BNIP1: variants seen among roughly 807,000 people sequenced by gnomAD.
BNIP1 encodes the protein BCL2 interacting protein 1.
Under a neutral mutation model 28.5 loss-of-function variants are expected in BNIP1, and 25 were observed. The observed-to-expected ratio is 0.88, with a 90% CI of 0.64 to 1.23. BNIP1 has a LOEUF of 1.23. BNIP1 is among the 50% of genes most tolerant of loss of function. The probability of loss-of-function intolerance (pLI) is 0.00; values close to 1 mark genes in which losing one functional copy is unlikely to be tolerated. For synonymous variants in BNIP1, 118 were observed against 101.7 expected (o/e 1.16, Z -0.96); for missense variants, 276 against 277.0 (o/e 1.00, Z 0.02).
In BNIP1 at chr5:173,164,069, C is replaced by T; in HGVS notation, c.*148C>T. On this transcript the variant is annotated 3_prime_UTR_variant, in exon 6 of 6. Transcript: ENST00000351486. This position sits in a 1 kb window ranked among gnomAD's most constrained non-coding sequence, Gnocchi z 4.0. Reference sequence around the variant, plus strand: ...GGATGGAACACAGTGCCCCACTTTTCTGCAAGTAGCTGGCTTGTAAAGGGT... The same window carrying T: ...GGATGGAACACAGTGCCCCACTTTTTTGCAAGTAGCTGGCTTGTAAAGGGT... The T allele has an allele frequency of 1.4e-6, 1 of 732,182 alleles. No homozygotes were observed. Among genetic ancestry groups the T allele is most frequent in the Non-Finnish European group, 2.1e-6 (1 of 478,706 alleles). The allele number at this position is 732,182 out of a possible 1,614,324, so 45.4% of individuals were successfully genotyped here.
chr5:173,148,621 G>A (rs1298966785), intron 2 of BNIP1, among the ~76,000 whole-genome samples: 1 of 152,074 alleles, frequency 6.6e-6, no homozygotes, highest in Non-Finnish European at 1.5e-5. Flanking sequence ...AACAGGGTTG[G>A]CTCCTTGGCC....
chr5:173,144,663 A>C, intron 1 of BNIP1, 34 bp downstream of exon 1: 5 of 1,609,012 alleles, frequency 3.1e-6, no homozygotes, highest in Non-Finnish European at 4.3e-6. Flanking sequence ...GGGCTCCAGC[A>C]GCCCTAACCC....
chr5:173,154,517 A>G lies in BNIP1; in HGVS notation c.269+104A>G, dbSNP rs1581075307. On this transcript the variant is annotated intron_variant, in intron 3 of 5. Coordinates refer to ENST00000351486, the MANE Select transcript of BNIP1 (RefSeq NM_001205.3). ...ATGGATCTGCTTTAATGCTGACTTA[A>G]TGGTGTCTTTTTTTTTTTTTTGAGA... 3.4e-6 allele frequency: 3 copies of G among 876,718 alleles called. 1 individual carries two copies. Among genetic ancestry groups the G allele is most frequent in the East Asian group, 5.5e-5 (2 of 36,100 alleles). The allele number at this position is 876,718 out of a possible 1,614,324, so 54.3% of individuals were successfully genotyped here.
chr5:173,150,801 C>T (rs557830368), intron 2 of BNIP1, among the ~76,000 whole-genome samples: 1 of 151,920 alleles, frequency 6.6e-6, no homozygotes, highest in Non-Finnish European at 1.5e-5. Flanking sequence ...TAAAAAGTAG[C>T]ATACTAACAC....
At chr5:173,149,737 A>G (rs1029905516) in intron 2 of BNIP1, among the ~76,000 whole-genome samples, 1 of 152,224 alleles carries the variant, frequency 6.6e-6, no homozygotes, top group Admixed American at 6.5e-5. Flanking sequence ...GCTTCCAGTC[A>G]TGGCAGAAGG....
chr5:173,154,352 A>G lies in BNIP1; in HGVS notation c.208A>G (p.Lys70Glu), dbSNP rs2113849337. The G allele has an allele frequency of 6.2e-7, 1 of 1,614,080 alleles. No individual in the cohort carries two copies. The change falls in exon 3 of 6, where the codon AAA (lysine) becomes GAA (glutamate). Residue 70 changes from lysine (K) to glutamate (E), a missense_variant. Coordinates refer to ENST00000351486, the MANE Select transcript of BNIP1 (RefSeq NM_001205.3). ...GGAGCAGTTGGCTAAAGAGCAAGAC[A>G]AAGAATCAGAGAAACAACTTCTACT... ...DLEQLAKEQDKESEKQLLLQE... is the reference protein window; with the variant it reads ...DLEQLAKEQDEESEKQLLLQE...
At position 173,146,947 on chromosome 5, in the gene BNIP1, C is replaced by A; in HGVS notation, c.166C>A (p.His56Asn). 1 of 1,612,882 alleles carries A rather than the reference C, an allele frequency of 6.2e-7. No individual in the cohort carries two copies. The highest frequency in any genetic ancestry group is 1.1e-5 in the South Asian group (1 of 91,042). ...KVKEKFQQLR[H>N]RIQDLEQLAK... ...AAAAGAGAAATTTCAACAGTTGCGT[C>A]ACAGAATACAGGTGGGTATTCTCAA... is the stretch of plus-strand genomic sequence containing the variant. The change falls in exon 2 of 6, where the codon CAC (histidine) becomes AAC (asparagine). Residue 56 changes from histidine to asparagine, a missense_variant. Coordinates refer to ENST00000351486, the MANE Select transcript of BNIP1 (RefSeq NM_001205.3).
chr5:173,151,992 T>C (rs1454650512), intron 2 of BNIP1, among the ~76,000 whole-genome samples: 3 of 152,244 alleles, frequency 2.0e-5, no homozygotes, highest in Non-Finnish European at 4.4e-5. Flanking sequence ...GATCATGTGA[T>C]ACTAGAGAAC....
At chr5:173,155,019 T>C (rs1760142720) in intron 3 of BNIP1, among the ~76,000 whole-genome samples, 1 of 152,218 alleles carries the variant, frequency 6.6e-6, no homozygotes, top group African/African-American at 2.4e-5. Context: ...AGGGTCATTT[T>C]TTATCTAAGG....
chr5:173,148,083 A>AAAAAT (rs1759906154), intron 2 of BNIP1, among the ~76,000 whole-genome samples: 1 of 40,300 alleles, frequency 2.5e-5, no homozygotes, highest in Non-Finnish European at 3.9e-5. Flanking sequence ...AAAAAAAAAA[A>AAAAAT]ATATATATAT....
At chr5:173,157,471 G>A (rs934174972) in intron 3 of BNIP1, among the ~76,000 whole-genome samples, 11 of 151,782 alleles carry the variant, frequency 7.2e-5, no homozygotes, top group African/African-American at 2.7e-4. Flanking sequence ...CTGGAGTGCA[G>A]TGGCGTGATC....
Position 173,164,031 on chromosome 5 carries a change from T to G in BNIP1, c.*110T>G. 1 of 1,168,352 alleles carries G rather than the reference T, an allele frequency of 8.6e-7. No individual in the cohort carries two copies. The highest frequency in any genetic ancestry group is 1.9e-5 in the South Asian group (1 of 52,150). 72.4% of individuals were successfully genotyped at this position (1,168,352 alleles called of 1,614,324 possible). ...CCACACACCCCTCCGTTTGCACCAG[T>G]TGCCTGCAGGTTGGATGGAACACAG... On this transcript the variant is annotated 3_prime_UTR_variant, in exon 6 of 6. Coordinates refer to ENST00000351486, the MANE Select transcript of BNIP1 (RefSeq NM_001205.3). The surrounding 1 kb of genome is among the most constrained non-coding windows in gnomAD (Gnocchi z 4.0).
intron 4 of BNIP1, among the ~76,000 whole-genome samples, chr5:173,159,471 G>C (rs1466792890): frequency 3.5e-5 from 4 of 113,146 alleles, no homozygotes; most frequent in Non-Finnish European, 5.7e-5. Flanking sequence ...CACAAAAGTT[G>C]TTCATTAAAA....
chr5:173,160,823 G>A (rs749705418), intron 5 of BNIP1: 43 of 456,098 alleles, frequency 9.4e-5, no homozygotes, highest in Non-Finnish European at 2.6e-5. Flanking sequence ...TTTCCTATGA[G>A]TTCCTTTTAA....
chr5:173,152,372 C>T (rs1489921386), intron 2 of BNIP1, among the ~76,000 whole-genome samples: 23 of 149,466 alleles, frequency 1.5e-4, no homozygotes, highest in African/African-American at 4.0e-4. Flanking sequence ...TTTTTTGAGA[C>T]GGAGTCTCAC....
rs973581189 is a variant in BNIP1 at position 173,159,575 on chromosome 5, G to A, written c.372-358G>A. 5.3e-5 allele frequency among the ~76,000 whole-genome samples: 8 copies of A among 151,818 alleles called. 1 individual carries two copies. In the South Asian group the frequency reaches 1.7e-3, roughly 32 times the overall value. On this transcript the variant is annotated intron_variant, in intron 4 of 5. Transcript: ENST00000351486. ...CCCTGTGTGTGTTTGCATTTCTAGT[G>A]TTTAAGTAGTGTAAGTAATACACCA... is the stretch of plus-strand genomic sequence containing the variant.
intron 2 of BNIP1, among the ~76,000 whole-genome samples, chr5:173,149,361 A>T (rs1018363782): frequency 6.6e-6 from 1 of 152,102 alleles, no homozygotes; most frequent in African/African-American, 2.4e-5. Flanking sequence ...TTGTGCAGGG[A>T]AACTCCTGTT....
intron 2 of BNIP1, among the ~76,000 whole-genome samples, chr5:173,153,518 C>G (rs539506234): frequency 6.6e-6 from 1 of 152,158 alleles, no homozygotes; most frequent in Non-Finnish European, 1.5e-5. Flanking sequence ...TGAGCCACTG[C>G]GCCCGGCCGA....
intron 4 of BNIP1, 30 bp downstream of exon 4, chr5:173,158,875 GATA>G: frequency 6.5e-7 from 1 of 1,545,168 alleles, no homozygotes; most frequent in Non-Finnish European, 8.9e-7. Flanking sequence ...TCTGGGCTCC[GATA>G]ATAATAGATA....
Sources: allele counts gnomAD v4.1 joint callset (sites outside exome capture counted in the v4.1 genomes callset), GRCh38; gene constraint gnomAD v4.1.1; non-coding constraint Gnocchi (gnomAD v3.1); transcripts MANE v1.5; gene names NCBI Gene and HGNC (gene_info 2026-07-23, HGNC 2026-07-21).